SLC1A6: variants seen among roughly 807,000 people sequenced by gnomAD.
SLC1A6 encodes solute carrier family 1 member 6.
Under a neutral mutation model 42.1 loss-of-function variants are expected in SLC1A6, and 15 were observed. The ratio of observed to expected loss-of-function variants is 0.36; its 90% CI spans 0.24 to 0.55. The LOEUF (loss-of-function observed/expected upper bound fraction) is 0.55, where lower values mean the gene tolerates loss of function less well. Among genes scored for constraint, SLC1A6 ranks in the 20% least tolerant of loss-of-function variants. The pLI is 0.88. For missense variants in SLC1A6, 542 were observed against 772.5 expected, an observed-to-expected ratio of 0.70 and a Z score of 3.54; for synonymous variants, 317 against 319.7, an observed-to-expected ratio of 0.99 and a Z score of 0.09.
chr19:14,973,019 C>T lies in SLC1A6; in HGVS notation c.-7-102G>A, dbSNP rs934799029. On this transcript the variant is annotated intron_variant, in intron 1 of 9. Coordinates refer to ENST00000594383, the MANE Select transcript of SLC1A6 (RefSeq NM_005071.3). ...AAGGGTAATGAGCGCTTCCTGAGGA[C>T]TCTCAGAAGGCGGGGGTGGCTGGGT... is the stretch of plus-strand genomic sequence containing the variant. The T allele has an allele frequency of 1.7e-5, 15 of 900,502 alleles. No homozygotes were observed. In the Admixed American group the frequency reaches 4.1e-4, roughly 25 times the overall value. The allele number at this position is 900,502 out of a possible 1,614,324, so 55.8% of individuals were successfully genotyped here.
chr19:14,952,219 T>G (rs554093028), intron 9 of SLC1A6, among the ~76,000 whole-genome samples: 1 of 150,050 alleles, frequency 6.7e-6, no homozygotes, highest in East Asian at 2.0e-4. Context: ...GCAAGAGGAT[T>G]GCTTAAGCTA....
intron 1 of SLC1A6, among the ~76,000 whole-genome samples, chr19:14,988,595 T>C (rs1292399174): frequency 6.6e-6 from 1 of 152,226 alleles, no homozygotes; most frequent in Non-Finnish European, 1.5e-5. Context: ...AGATATCACC[T>C]AATACCTGTC....
Position 14,950,398 on chromosome 19 carries a change from A to G in SLC1A6, c.1500-8T>C. ...ATTGTGCGAAGCCGGTCACTGGTACAGGGGAGAAAGAAGCTGCCATTAATG... is the reference window on the plus strand; with the variant it reads ...ATTGTGCGAAGCCGGTCACTGGTACGGGGGAGAAAGAAGCTGCCATTAATG... On this transcript the variant is annotated splice_region_variant and splice_polypyrimidine_tract_variant and intron_variant, in intron 9 of 9. Transcript: ENST00000594383. The G allele has an allele frequency of 3.3e-6, 5 of 1,536,462 alleles. No individual in the cohort carries two copies. The highest frequency in any genetic ancestry group is 2.4e-5 in the East Asian group (1 of 42,184).
At chr19:14,958,528 G>A (rs903731625) in intron 6 of SLC1A6, among the ~76,000 whole-genome samples, 26 of 152,098 alleles carry the variant, frequency 1.7e-4, no homozygotes, top group Admixed American at 1.1e-3. Flanking sequence ...GAGGATGCAC[G>A]GGGCTTCTCC....
At chr19:15,009,164 C>T (rs1158327019) in intron 1 of SLC1A6, among the ~76,000 whole-genome samples, 4 of 83,114 alleles carry the variant, frequency 4.8e-5, no homozygotes, top group African/African-American at 1.8e-4. Flanking sequence ...GCTATCTAGA[C>T]AGCATATATA....
At chr19:14,971,349 C>T in intron 3 of SLC1A6, among the ~76,000 whole-genome samples, 1 of 152,154 alleles carries the variant, frequency 6.6e-6, no homozygotes, top group East Asian at 1.9e-4. Context: ...TAAGCTGTCA[C>T]CTCCATCTCA....
chr19:14,964,216 G>A (rs1187415413), intron 5 of SLC1A6, 103 bp downstream of exon 5: 10 of 936,314 alleles, frequency 1.1e-5, no homozygotes, highest in Non-Finnish European at 1.6e-5. Flanking sequence ...CCATTGCTCT[G>A]TCAGGCCCTT....
Position 14,954,136 on chromosome 19 carries a change from T to C in SLC1A6, c.1363A>G (p.Ser455Gly), listed in dbSNP as rs370485529. 1 of 1,565,026 alleles carries C rather than the reference T, an allele frequency of 6.4e-7. No homozygotes were observed. Among genetic ancestry groups the C allele is most frequent in the Non-Finnish European group, 8.7e-7 (1 of 1,150,256 alleles). Residue 455 changes from serine to glycine, a missense_variant and splice_region_variant, in exon 8 of 10, where the codon AGC (serine) becomes GGC (glycine). Physicochemically the swap from Ser to Gly is moderately conservative, Grantham distance 56 (BLOSUM62 0). This residue lies in a region of SLC1A6 where 54 missense variants were observed against 125.1 expected (regional missense o/e 0.43). Transcript: ENST00000594383. ...ELNLGQITTI[S>G]ITATAASVGA... ...CAGGTCCTACCCAAGCCCCCTCACCTGATGGTTGTGATCTGACCCAGGTTG... is the reference window on the plus strand; with the variant it reads ...CAGGTCCTACCCAAGCCCCCTCACCCGATGGTTGTGATCTGACCCAGGTTG...
intron 1 of SLC1A6, among the ~76,000 whole-genome samples, chr19:15,006,104 T>G (rs566782246): frequency 2.3e-4 from 35 of 152,318 alleles, no homozygotes; most frequent in African/African-American, 7.9e-4. Flanking sequence ...ATGGATTCAT[T>G]CTATTAATAA....
chr19:14,954,087 G>A lies in SLC1A6; in HGVS notation c.1364+48C>T, dbSNP rs768538783. On this transcript the variant is annotated intron_variant, in intron 8 of 9. Transcript: ENST00000594383. ...CCCCAACCCTCCCAGCCAAGCTGAT[G>A]ACCGCTTAAGTCTCACCTGCTGGCA... The A allele has an allele frequency of 1.8e-5, 18 of 1,000,002 alleles. No individual in the cohort carries two copies. The South Asian group carries it at 2.5e-4, about 14-fold the overall frequency. 61.9% of individuals were successfully genotyped at this position (1,000,002 alleles called of 1,614,324 possible). A position where few individuals can be genotyped will look rare whatever the true frequency, so the allele number is the denominator to read the frequency against.
chr19:14,952,884 G>T (rs1397790493), intron 9 of SLC1A6, 44 bp downstream of exon 9: 3 of 1,600,300 alleles, frequency 1.9e-6, no homozygotes. Flanking sequence ...AAAGCAGTGT[G>T]TGCAGAAGCA....
chr19:15,007,752 C>T (rs191981403), intron 1 of SLC1A6, among the ~76,000 whole-genome samples: 37 of 152,142 alleles, frequency 2.4e-4, no homozygotes, highest in African/African-American at 8.4e-4. Flanking sequence ...AGGCCGGGCA[C>T]GGTGGCTCAT....
At chr19:14,986,550 GA>G (rs554710752) in intron 1 of SLC1A6, among the ~76,000 whole-genome samples, 4 of 150,090 alleles carry the variant, frequency 2.7e-5, no homozygotes, top group African/African-American at 7.3e-5. Context: ...TTAATAAAAT[GA>G]ATAATTGTAT....
intron 4 of SLC1A6, among the ~76,000 whole-genome samples, chr19:14,966,249 T>G (rs1202372978): frequency 6.6e-6 from 1 of 152,160 alleles, no homozygotes; most frequent in African/African-American, 2.4e-5. Flanking sequence ...CTCAGCAGTT[T>G]AAGAGGCTGA....
intron 1 of SLC1A6, among the ~76,000 whole-genome samples, chr19:15,005,814 A>G (rs2045893519): frequency 6.6e-6 from 1 of 152,256 alleles, no homozygotes; most frequent in Non-Finnish European, 1.5e-5. Context: ...GCATTTCACC[A>G]GAGAGCCATG....
At chr19:14,955,633 AAG>A (rs200001540) in intron 7 of SLC1A6, among the ~76,000 whole-genome samples, 11 of 147,328 alleles carry the variant, frequency 7.5e-5, no homozygotes, top group East Asian at 2.0e-4. Flanking sequence ...GAAAAAGAAA[AAG>A]AAAAAAAAGA....
At chr19:15,007,335 G>A (rs2045900737) in intron 1 of SLC1A6, among the ~76,000 whole-genome samples, 1 of 152,174 alleles carries the variant, frequency 6.6e-6, no homozygotes, top group Admixed American at 6.5e-5. Context: ...TCCAGAACAG[G>A]CAAATCTACA....
intron 3 of SLC1A6, among the ~76,000 whole-genome samples, chr19:14,968,999 C>T (rs2045606995): frequency 6.6e-6 from 1 of 152,060 alleles, no homozygotes; most frequent in Admixed American, 6.6e-5. Flanking sequence ...GCCACCATGC[C>T]CAGCTAATTT....
At chr19:14,973,737 G>A (rs147215542) in intron 1 of SLC1A6, 4,097 of 152,502 alleles carry the variant, frequency 0.027, 109 homozygotes, top group Non-Finnish European at 0.036. Flanking sequence ...CAAAGCACCC[G>A]GAGGCTAGTC....
Sources: gnomAD v4.1 joint callset for allele counts (sites outside exome capture counted in the v4.1 genomes callset) on GRCh38, gnomAD v4.1.1 for gene constraint, gnomAD v4.1.1 regional missense constraint, MANE v1.5 for transcripts, NCBI Gene and HGNC (gene_info 2026-07-23, HGNC 2026-07-21) for gene names.